LRCH2: variants seen among roughly 807,000 people sequenced by gnomAD.
LRCH2 encodes leucine-rich repeat and calponin homology domain-containing protein 2.
In LRCH2, 38 loss-of-function variants were observed where a neutral mutation model predicts 68.9. The ratio of observed to expected loss-of-function variants is 0.55; its 90% CI spans 0.43 to 0.72. The LOEUF is 0.72. LRCH2 is among the 30% of genes least tolerant of loss of function. The pLI is 0.00. For missense variants in LRCH2, 528 were observed against 572.9 expected, an observed-to-expected ratio of 0.92 and a Z score of 0.80; for synonymous variants, 191 against 208.1, an observed-to-expected ratio of 0.92 and a Z score of 0.71.
chrX:115,142,930 T>C (rs782643681), intron 14 of LRCH2, among the ~76,000 whole-genome samples: 1 of 110,153 alleles, frequency 9.1e-6, no homozygotes, highest in Non-Finnish European at 1.9e-5. Flanking sequence ...CAAAACCCCA[T>C]CTCTACAAAA....
intron 1 of LRCH2, among the ~76,000 whole-genome samples, chrX:115,214,974 A>T (rs182417686): frequency 2.6e-3 from 287 of 112,500 alleles, no homozygotes; most frequent in African/African-American, 8.4e-3. Context: ...AACATCAAAG[A>T]GATATTTAAG....
chrX:115,195,039 C>G (rs782143437), intron 1 of LRCH2, among the ~76,000 whole-genome samples: 15 of 111,331 alleles, frequency 1.3e-4, no homozygotes, highest in Non-Finnish European at 2.4e-4. Context: ...AATCCCAGCA[C>G]TTTGGGAGGC....
At chrX:115,113,702 C>T (rs1029771946) in intron 20 of LRCH2, among the ~76,000 whole-genome samples, 1 of 111,569 alleles carries the variant, frequency 9.0e-6, no homozygotes, top group Non-Finnish European at 1.9e-5. Flanking sequence ...GTAAAAATCA[C>T]CAATGCCATC....
At chrX:115,182,281 T>G (rs1349010750) in intron 3 of LRCH2, among the ~76,000 whole-genome samples, 1 of 111,604 alleles carries the variant, frequency 9.0e-6, no homozygotes, top group Non-Finnish European at 1.9e-5. Context: ...ACAAATAAAT[T>G]ACGGAGACAT....
At chrX:115,230,863 T>C (rs2073148354) in intron 1 of LRCH2, among the ~76,000 whole-genome samples, 1 of 110,701 alleles carries the variant, frequency 9.0e-6, no homozygotes, top group Non-Finnish European at 1.9e-5. Context: ...GAGTGCATAT[T>C]AGAATTACCT....
intron 14 of LRCH2, among the ~76,000 whole-genome samples, chrX:115,142,019 C>A: frequency 9.0e-6 from 1 of 111,538 alleles, no homozygotes; most frequent in Non-Finnish European, 1.9e-5. Context: ...TGTAGCTATA[C>A]TTATATCAGA....
At chrX:115,162,109 C>T (rs1357011390) in intron 11 of LRCH2, among the ~76,000 whole-genome samples, 5 of 109,323 alleles carry the variant, frequency 4.6e-5, no homozygotes, top group African/African-American at 1.7e-4. Context: ...TTGGTAGAGA[C>T]GGGGTTTCGC....
chrX:115,121,032 G>T (rs2072136176), intron 20 of LRCH2, among the ~76,000 whole-genome samples: 1 of 101,141 alleles, frequency 9.9e-6, no homozygotes, highest in Non-Finnish European at 2.0e-5. Flanking sequence ...GGGGTGGGGG[G>T]AGGCGGGAGG....
intron 6 of LRCH2, among the ~76,000 whole-genome samples, 197 bp from the exon 7 acceptor site, chrX:115,166,539 C>T (rs1185352006): frequency 9.0e-6 from 1 of 110,972 alleles, no homozygotes; most frequent in Non-Finnish European, 1.9e-5. Flanking sequence ...AATATTGTTC[C>T]CTTCGTGTAC....
At position 115,191,281 on chromosome X, in the gene LRCH2, G is replaced by A. The variant is rs1430647819; in HGVS notation, c.350-2911C>T. 5.2e-6 allele frequency: 6 copies of A among 1,152,957 alleles called. No individual in the cohort carries two copies. In the African/African-American group the frequency reaches 9.3e-5, roughly 18 times the overall value. On this transcript the variant is annotated intron_variant, in intron 1 of 20. Transcript: ENST00000317135. ...CCGCTCGCCCAATGCCTACAGCGGG[G>A]GCCACGACAGTTCCAGCTGGAGCCA...
intron 20 of LRCH2, among the ~76,000 whole-genome samples, chrX:115,121,376 G>A (rs184112552): frequency 2.1e-3 from 236 of 111,806 alleles, no homozygotes; most frequent in African/African-American, 7.4e-3. Context: ...CATCAGCCAA[G>A]CACAGTGGCT....
chrX:115,212,482 G>T (rs1038647458), intron 1 of LRCH2, among the ~76,000 whole-genome samples: 3 of 111,931 alleles, frequency 2.7e-5, no homozygotes, highest in African/African-American at 9.7e-5. Flanking sequence ...TCTGCCCTTT[G>T]CTTTGGTTTG....
intron 14 of LRCH2, among the ~76,000 whole-genome samples, chrX:115,143,771 G>A (rs1273105303): frequency 9.0e-6 from 1 of 111,610 alleles, no homozygotes; most frequent in African/African-American, 3.3e-5. Flanking sequence ...ATATTTAAAA[G>A]GTCATTCATC....
chrX:115,194,746 C>T lies in LRCH2; in HGVS notation c.350-6376G>A, dbSNP rs782128556. ...TGAGAGGAAAGAATCAAGAATGGCACCCAGGATTCTGGCCTGGACAGCTAA... is the reference window on the plus strand; with the variant it reads ...TGAGAGGAAAGAATCAAGAATGGCATCCAGGATTCTGGCCTGGACAGCTAA... On this transcript the variant is annotated intron_variant, in intron 1 of 20. Coordinates refer to ENST00000317135, the MANE Select transcript of LRCH2 (RefSeq NM_020871.4). 1.1e-4 allele frequency among the ~76,000 whole-genome samples: 12 copies of T among 111,759 alleles called. No homozygotes were observed. In the South Asian group the frequency reaches 4.5e-3, roughly 42 times the overall value.
At chrX:115,159,971 C>A (rs2072505409) in intron 11 of LRCH2, among the ~76,000 whole-genome samples, 1 of 110,677 alleles carries the variant, frequency 9.0e-6, no homozygotes, top group Admixed American at 9.7e-5. Flanking sequence ...AGGATAGTTT[C>A]ATGTACCAAG....
intron 14 of LRCH2, among the ~76,000 whole-genome samples, 181 bp from the exon 15 acceptor site, chrX:115,130,380 C>T (rs782751826): frequency 1.8e-5 from 2 of 111,721 alleles, no homozygotes; most frequent in East Asian, 5.6e-4. Flanking sequence ...TAATGCTTTC[C>T]ATGTGCAAGG....
intron 1 of LRCH2, among the ~76,000 whole-genome samples, chrX:115,200,071 A>G (rs2072919427): frequency 8.9e-6 from 1 of 112,479 alleles, no homozygotes; most frequent in Non-Finnish European, 1.9e-5. Context: ...AATACAAAAG[A>G]TTAAAAATTT....
rs782510943 is a variant in LRCH2 at position 115,192,075 on chromosome X, C to T, written c.350-3705G>A. Reference sequence around the variant, plus strand: ...ACACCCACAGCAGGGGCCGATCGCCCGATGCCCACAGCGGGGACCACTACA... The same window carrying T: ...ACACCCACAGCAGGGGCCGATCGCCTGATGCCCACAGCGGGGACCACTACA... On this transcript the variant is annotated intron_variant, in intron 1 of 20. Coordinates refer to ENST00000317135, the MANE Select transcript of LRCH2 (RefSeq NM_020871.4). 6.8e-5 allele frequency: 79 copies of T among 1,163,548 alleles called. No individual in the cohort carries two copies. In the African/African-American group the frequency reaches 8.0e-4, roughly 12 times the overall value.
At chrX:115,180,186 T>C (rs1556552003) in intron 3 of LRCH2, among the ~76,000 whole-genome samples, 1 of 111,574 alleles carries the variant, frequency 9.0e-6, no homozygotes, top group Non-Finnish European at 1.9e-5. Context: ...GATTTATAAA[T>C]GTGCACTGGC....
Sources: gnomAD v4.1 joint callset for allele counts (sites outside exome capture counted in the v4.1 genomes callset) on GRCh38, gnomAD v4.1.1 for gene constraint, MANE v1.5 for transcripts, NCBI Gene and HGNC (gene_info 2026-07-23, HGNC 2026-07-21) for gene names.